ST14: variants seen among roughly 807,000 people sequenced by gnomAD.
ST14 encodes the protein suppressor of tumorigenicity 14 protein.
In ST14, 40 loss-of-function variants were observed where a neutral mutation model predicts 96.5. That is an observed-to-expected ratio of 0.41 (90% CI 0.32 to 0.54). ST14 has a LOEUF of 0.54. Among genes scored for constraint, ST14 ranks in the 20% least tolerant of loss-of-function variants. The probability of loss-of-function intolerance (pLI) is 0.17; values close to 1 mark genes in which losing one functional copy is unlikely to be tolerated. For synonymous variants in ST14, 506 were observed against 492.1 expected (o/e 1.03, Z -0.37); for missense variants, 1,066 against 1,188.9 (o/e 0.90, Z 1.52).
At chr11:130,165,041 CTTA>C (rs1953030642) in intron 1 of ST14, among the ~76,000 whole-genome samples, 1 of 152,112 alleles carries the variant, frequency 6.6e-6, no homozygotes, top group Non-Finnish European at 1.5e-5. Flanking sequence ...CCGGCCCAGC[CTTA>C]TTGTTATTAC....
rs191423523 is a variant in ST14, at chr11:130,178,091, A to G, written c.82-10023A>G. ...ACAGGCTCAAACCACTCCAGTCAAT[A>G]TTGCAAACTATACATAATAATATTC... On this transcript the variant is annotated intron_variant, in intron 1 of 18. Transcript: ENST00000278742. Among the ~76,000 whole-genome samples the G allele has an allele frequency of 1.7e-3, 254 of 152,360 alleles. 1 individual carries two copies. The highest frequency in any genetic ancestry group is 2.4e-3 in the Admixed American group (36 of 15,306).
At chr11:130,167,056 C>G (rs1953047797) in intron 1 of ST14, among the ~76,000 whole-genome samples, 3 of 151,992 alleles carry the variant, frequency 2.0e-5, no homozygotes. Flanking sequence ...ACTAAAAATC[C>G]AAAAATTAGC....
intron 16 of ST14, among the ~76,000 whole-genome samples, chr11:130,201,886 T>C (rs1370957811): frequency 6.6e-6 from 1 of 152,220 alleles, no homozygotes; most frequent in East Asian, 1.9e-4. Flanking sequence ...CCCAACCACT[T>C]CTCTTTGAGG....
rs529131754 is a variant in ST14 at position 130,166,778 on chromosome 11, T to A, written c.81+6718T>A. ...CAGTGAGCCCAGGAGAGATCAGGCA[T>A]GGAAGTGTGACTGCCCAAAGTCGAA... On this transcript the variant is annotated intron_variant, in intron 1 of 18. Coordinates refer to ENST00000278742, the MANE Select transcript of ST14 (RefSeq NM_021978.4). Among the ~76,000 whole-genome samples, 11 of 152,348 alleles carry A rather than the reference T, an allele frequency of 7.2e-5. 1 individual carries two copies. In the South Asian group the frequency reaches 2.1e-3, roughly 29 times the overall value.
At chr11:130,193,101 A>C (rs1471284789) in intron 7 of ST14, among the ~76,000 whole-genome samples, 1 of 119,886 alleles carries the variant, frequency 8.3e-6, no homozygotes, top group Non-Finnish European at 1.8e-5. Context: ...CATGCCAGGC[A>C]TGTTTTTTTT....
intron 9 of ST14, among the ~76,000 whole-genome samples, chr11:130,194,945 C>A (rs1953345276): frequency 6.6e-6 from 1 of 152,080 alleles, no homozygotes; most frequent in African/African-American, 2.4e-5. Context: ...AGAGGAGATC[C>A]TTTATCAACC....
chr11:130,196,241 A>G (rs1953361437), intron 9 of ST14, 98 bp from the exon 10 acceptor site: 2 of 892,754 alleles, frequency 2.2e-6, no homozygotes, highest in Non-Finnish European at 3.6e-6. Context: ...AAGGCATACC[A>G]TCTCTCCCTG....
In ST14 at chr11:130,190,137, G is replaced by T. The variant is rs762185835; in HGVS notation, c.623G>T (p.Arg208Met). 3.7e-5 allele frequency: 60 copies of T among 1,614,094 alleles called. 1 individual carries two copies. The South Asian group carries it at 6.0e-4, about 16-fold the overall frequency. The change falls in exon 6 of 19, where the codon AGG (arginine) becomes ATG (methionine). Residue 208 changes from arginine to methionine, a missense_variant. By Grantham distance (91) the Arg-to-Met change is moderately conservative. Transcript: ENST00000278742. ...GCCACGGACTCCAAAACAGTACAGA[G>T]GACCCAGGACAGTAAGTATCGTGCC... ...AFPTDSKTVQ[R>M]TQDNSCSFGL...
At chr11:130,186,749 G>A (rs1329086631) in intron 1 of ST14, among the ~76,000 whole-genome samples, 2 of 152,078 alleles carry the variant, frequency 1.3e-5, no homozygotes, top group Non-Finnish European at 2.9e-5. Flanking sequence ...AAGGGTGGAA[G>A]GACACTAAAA....
rs1015999915 is a variant in ST14 at position 130,203,660 on chromosome 11, C to CT, written c.1994+3532dup. On this transcript the variant is annotated intron_variant, in intron 16 of 18. Transcript: ENST00000278742. ...CCTAAATGTGCCTTTGCTCTTTTTT[C>CT]TTTTTTTTTGAGACCGAGTTTCACT... Among the ~76,000 whole-genome samples the CT allele has an allele frequency of 1.2e-3, 184 of 151,616 alleles. 2 individuals carry two copies. The highest frequency in any genetic ancestry group is 1.3e-3 in the South Asian group (6 of 4,780).
Position 130,209,962 on chromosome 11 carries a change from T to C in ST14, c.*139T>C. On this transcript the variant is annotated 3_prime_UTR_variant, in exon 19 of 19. Coordinates refer to ENST00000278742, the MANE Select transcript of ST14 (RefSeq NM_021978.4). ...ACACTGTGAACTCAATCTCCAGGGC[T>C]CCAAATCTGCCTAGAAAACCTCTCG... The C allele has an allele frequency of 1.9e-6, 2 of 1,080,800 alleles. No homozygotes were observed. The highest frequency in any genetic ancestry group is 2.6e-6 in the Non-Finnish European group (2 of 763,492). 67.0% of individuals were successfully genotyped at this position (1,080,800 alleles called of 1,614,324 possible).
chr11:130,180,104 G>C (rs888323416), intron 1 of ST14, among the ~76,000 whole-genome samples: 10 of 152,228 alleles, frequency 6.6e-5, no homozygotes, highest in Non-Finnish European at 1.3e-4. Context: ...GAGCGTGTCA[G>C]TCAAGAGCCT....
At chr11:130,203,808 G>A (rs531969524) in intron 16 of ST14, among the ~76,000 whole-genome samples, 9 of 152,134 alleles carry the variant, frequency 5.9e-5, no homozygotes, top group South Asian at 2.1e-4. Flanking sequence ...ATGCGCCACC[G>A]TGCCCGGCTA....
chr11:130,190,422 C>A (rs773762711), intron 6 of ST14, 32 bp from the exon 7 acceptor site: 4 of 1,604,172 alleles, frequency 2.5e-6, no homozygotes, highest in Admixed American at 1.7e-5. Context: ...GCCCTGCCCC[C>A]ACACGTGCCC....
rs1487351704 is a variant in ST14, at chr11:130,181,551, G to A, written c.82-6563G>A. On this transcript the variant is annotated intron_variant, in intron 1 of 18. Coordinates refer to ENST00000278742, the MANE Select transcript of ST14 (RefSeq NM_021978.4). This position sits in a 1 kb window ranked among gnomAD's most constrained non-coding sequence, Gnocchi z 4.1. Reference sequence around the variant, plus strand: ...GAAGTGAAAGCAGGCGCAGGCATAGGATCTCTCCTGTCGGCTGTGGCCCAG... The same window carrying A: ...GAAGTGAAAGCAGGCGCAGGCATAGAATCTCTCCTGTCGGCTGTGGCCCAG... Among the ~76,000 whole-genome samples the A allele has an allele frequency of 6.6e-6, 1 of 152,334 alleles. No homozygotes were observed. Among genetic ancestry groups the A allele is most frequent in the East Asian group, 1.9e-4 (1 of 5,180 alleles).
At chr11:130,160,099 C>T (rs1370094287) in intron 1 of ST14, 39 bp downstream of exon 1, 1 of 1,352,256 alleles carries the variant, frequency 7.4e-7, no homozygotes, top group African/African-American at 1.5e-5. Context: ...TGGGAAGCTC[C>T]TGCCCGCCCG....
In ST14 at chr11:130,187,933, G is replaced by A. The variant is rs907296714; in HGVS notation, c.82-181G>A. Among the ~76,000 whole-genome samples the A allele has an allele frequency of 1.3e-5, 2 of 152,228 alleles. No individual in the cohort carries two copies. The highest frequency in any genetic ancestry group is 6.5e-5 in the Admixed American group (1 of 15,284). On this transcript the variant is annotated intron_variant, in intron 1 of 18. Coordinates refer to ENST00000278742, the MANE Select transcript of ST14 (RefSeq NM_021978.4). The surrounding 1 kb of genome is among the most constrained non-coding windows in gnomAD (Gnocchi z 4.5). The stretch of plus-strand genomic sequence containing the variant: ...CTCCCAGAGCATGCCCAGGGTTCAT[G>A]TCCCGGGGTCTGCGCTCTGGGCAGT...
Position 130,194,423 on chromosome 11 carries a change from G to A in ST14, c.1015+135G>A, listed in dbSNP as rs562431570. 117 of 1,389,442 alleles carry A rather than the reference G, an allele frequency of 8.4e-5. 1 individual carries two copies. The South Asian group carries it at 1.4e-3, about 16-fold the overall frequency. 86.1% of individuals were successfully genotyped at this position (1,389,442 alleles called of 1,614,324 possible). On this transcript the variant is annotated intron_variant, in intron 8 of 18. Transcript: ENST00000278742. ...CGAGCTGGCCTAGGTCAGCAGCAGA[G>A]GCTGAAGCTTGAGCCAAAGGCATCT... is the stretch of plus-strand genomic sequence containing the variant.
At position 130,187,244 on chromosome 11, in the gene ST14, G is replaced by A. The variant is rs553011895; in HGVS notation, c.82-870G>A. Among the ~76,000 whole-genome samples, 1 of 152,304 alleles carries A rather than the reference G, an allele frequency of 6.6e-6. No individual in the cohort carries two copies. Among genetic ancestry groups the A allele is most frequent in the East Asian group, 1.9e-4 (1 of 5,184 alleles). On this transcript the variant is annotated intron_variant, in intron 1 of 18. Coordinates refer to ENST00000278742, the MANE Select transcript of ST14 (RefSeq NM_021978.4). The surrounding 1 kb of genome is among the most constrained non-coding windows in gnomAD (Gnocchi z 4.5). Reference sequence around the variant, plus strand: ...GCCATGGTGCATCCCCAGGATTCAGGGCGGGCAGACGGCATGTGCTATCGG... The same window carrying A: ...GCCATGGTGCATCCCCAGGATTCAGAGCGGGCAGACGGCATGTGCTATCGG...
Sources: allele counts gnomAD v4.1 joint callset (sites outside exome capture counted in the v4.1 genomes callset), GRCh38; gene constraint gnomAD v4.1.1; non-coding constraint Gnocchi (gnomAD v3.1); transcripts MANE v1.5; gene names NCBI Gene and HGNC (gene_info 2026-07-23, HGNC 2026-07-21).